TLL2: variants seen among roughly 807,000 people sequenced by gnomAD.
The protein encoded by TLL2 is tolloid like 2.
TLL2 carries 106 observed loss-of-function variants against 123.0 expected under a neutral mutation model. The observed-to-expected ratio is 0.86, with a 90% CI of 0.74 to 1.01. The LOEUF (loss-of-function observed/expected upper bound fraction) is 1.01, where lower values mean the gene tolerates loss of function less well. Ranked by LOEUF, TLL2 falls within the 50% of genes least tolerant of loss-of-function variation. The pLI is 0.00. For missense variants in TLL2, 1,332 were observed against 1,336.7 expected, an observed-to-expected ratio of 1.00 and a Z score of 0.06; for synonymous variants, 494 against 516.8, an observed-to-expected ratio of 0.96 and a Z score of 0.60.
chr10:96,465,640 C>A (rs1847122326), intron 2 of TLL2, among the ~76,000 whole-genome samples: 1 of 152,222 alleles, frequency 6.6e-6, no homozygotes, highest in Non-Finnish European at 1.5e-5. Flanking sequence ...ACAGCCTTGA[C>A]CAATGTCAGG....
chr10:96,490,784 C>T (rs2134109163), intron 1 of TLL2, among the ~76,000 whole-genome samples: 1 of 152,272 alleles, frequency 6.6e-6, no homozygotes, highest in African/African-American at 2.4e-5. Context: ...AAGGTGTAAT[C>T]CATAGACCAG....
intron 3 of TLL2, among the ~76,000 whole-genome samples, chr10:96,436,847 G>A (rs547999751): frequency 6.6e-5 from 10 of 151,784 alleles, no homozygotes; most frequent in East Asian, 3.9e-4. Flanking sequence ...CACCACCCCC[G>A]GCTAATTTTT....
chr10:96,376,155 G>A (rs1186818134), intron 18 of TLL2, among the ~76,000 whole-genome samples: 3 of 152,204 alleles, frequency 2.0e-5, no homozygotes, highest in Non-Finnish European at 4.4e-5. Flanking sequence ...GAAAAAATAC[G>A]AATGGGATTT....
At chr10:96,385,293 T>C (rs943292616) in intron 15 of TLL2, among the ~76,000 whole-genome samples, 3 of 152,240 alleles carry the variant, frequency 2.0e-5, no homozygotes, top group Non-Finnish European at 4.4e-5. Context: ...TGTTCCTTGC[T>C]GTAGCAATGA....
At chr10:96,428,306 C>T (rs888472418) in intron 5 of TLL2, among the ~76,000 whole-genome samples, 1 of 152,230 alleles carries the variant, frequency 6.6e-6, no homozygotes, top group Admixed American at 6.5e-5. Context: ...GAAAGCCCAC[C>T]GCTTCATCAG....
At chr10:96,425,393 A>G (rs1332047650) in intron 5 of TLL2, among the ~76,000 whole-genome samples, 1 of 151,948 alleles carries the variant, frequency 6.6e-6, no homozygotes, top group African/African-American at 2.4e-5. Context: ...ATATATCTAT[A>G]AATGTTGGTG....
rs543572785 is a variant in TLL2 at position 96,392,915 on chromosome 10, C to G, written c.1726+2272G>C. On this transcript the variant is annotated intron_variant, in intron 13 of 20. Coordinates refer to ENST00000357947, the MANE Select transcript of TLL2 (RefSeq NM_012465.4). ...GGTGGGCTCAATGTCAACACCAGGT[C>G]CGTGTAAGGCAAAGAGGTGGAAGGA... Among the ~76,000 whole-genome samples the G allele has an allele frequency of 1.3e-5, 2 of 152,106 alleles. 1 individual carries two copies. The highest frequency in any genetic ancestry group is 1.3e-4 in the Admixed American group (2 of 15,262).
intron 1 of TLL2, among the ~76,000 whole-genome samples, chr10:96,483,668 T>C (rs886207567): frequency 3.7e-4 from 57 of 152,158 alleles, no homozygotes; most frequent in Non-Finnish European, 6.0e-4. Flanking sequence ...GGACAGGACT[T>C]TGGGGAAAGG....
rs1204117755 is a variant in TLL2 at position 96,480,380 on chromosome 10, C to A, written c.255G>T (p.Lys85Asn). 2 of 1,614,198 alleles carry A rather than the reference C, an allele frequency of 1.2e-6. No homozygotes were observed. The highest frequency in any genetic ancestry group is 1.1e-5 in the South Asian group (1 of 91,092). Residue 85 changes from lysine to asparagine, a missense_variant, in exon 2 of 21, where the codon AAG becomes AAT. Coordinates refer to ENST00000357947, the MANE Select transcript of TLL2 (RefSeq NM_012465.4). ...TGTGTCCTGTTGCCCCCACTGTCTGCTTGGTCCAGTCTCTGGCTTTGTCAA... is the reference window on the plus strand; with the variant it reads ...TGTGTCCTGTTGCCCCCACTGTCTGATTGGTCCAGTCTCTGGCTTTGTCAA... Reference protein sequence around the residue: ...FHIDKARDWTKQTVGATGHST... With the variant: ...FHIDKARDWTNQTVGATGHST...
At chr10:96,427,377 T>C (rs1206578165) in intron 5 of TLL2, among the ~76,000 whole-genome samples, 1 of 152,218 alleles carries the variant, frequency 6.6e-6, no homozygotes, top group Admixed American at 6.5e-5. Flanking sequence ...AATCTCTACT[T>C]ATTTTTTGGT....
At chr10:96,463,656 G>C (rs1009837975) in intron 2 of TLL2, among the ~76,000 whole-genome samples, 7 of 152,198 alleles carry the variant, frequency 4.6e-5, no homozygotes, top group African/African-American at 1.7e-4. Flanking sequence ...ATCCTCAGTG[G>C]CTGTGACAAG....
intron 5 of TLL2, among the ~76,000 whole-genome samples, chr10:96,424,762 T>C (rs1341315835): frequency 1.5e-5 from 2 of 134,540 alleles, no homozygotes; most frequent in African/African-American, 2.7e-5. Context: ...ACTTTGTTTT[T>C]ATGTATTGTT....
intron 13 of TLL2, among the ~76,000 whole-genome samples, chr10:96,388,812 GTT>G (rs1298675156): frequency 4.6e-5 from 7 of 152,142 alleles, no homozygotes; most frequent in Non-Finnish European, 8.8e-5. Context: ...GTAAAGGAGG[GTT>G]TGTAAATATC....
intron 2 of TLL2, among the ~76,000 whole-genome samples, chr10:96,477,752 G>A (rs1847273600): frequency 1.3e-5 from 2 of 152,220 alleles, no homozygotes; most frequent in Admixed American, 1.3e-4. Flanking sequence ...AGTCCAGGCA[G>A]TCTGACCCAA....
At chr10:96,415,716 G>GCTCTCT (rs1172742136) in intron 7 of TLL2, among the ~76,000 whole-genome samples, 1 of 5,164 alleles carries the variant, frequency 1.9e-4, no homozygotes, top group Non-Finnish European at 4.1e-4. Flanking sequence ...AGCTGTGCAT[G>GCTCTCT]CTCTCTCTCT....
At chr10:96,509,199 C>G (rs1027215913) in intron 1 of TLL2, among the ~76,000 whole-genome samples, 2 of 152,214 alleles carry the variant, frequency 1.3e-5, no homozygotes, top group African/African-American at 4.8e-5. Context: ...GTCACCCCAG[C>G]CTGTAAGTCT....
chr10:96,429,900 G>A (rs766425089), intron 4 of TLL2, among the ~76,000 whole-genome samples: 9 of 152,096 alleles, frequency 5.9e-5, no homozygotes, highest in Admixed American at 1.3e-4. Flanking sequence ...TGACAGTTAC[G>A]TATAGTCAGT....
At chr10:96,432,740 A>G in intron 4 of TLL2, 67 bp downstream of exon 4, 1 of 1,566,706 alleles carries the variant, frequency 6.4e-7, no homozygotes, top group Non-Finnish European at 8.7e-7. Flanking sequence ...CCTTCCTAGA[A>G]GGACTCTCTC....
At chr10:96,494,620 G>T (rs1039823725) in intron 1 of TLL2, among the ~76,000 whole-genome samples, 1 of 152,198 alleles carries the variant, frequency 6.6e-6, no homozygotes, top group Non-Finnish European at 1.5e-5. Flanking sequence ...CCTACCCGTG[G>T]ACCTAATCAC....
Sources: gnomAD v4.1 joint callset for allele counts (sites outside exome capture counted in the v4.1 genomes callset) on GRCh38, gnomAD v4.1.1 for gene constraint, MANE v1.5 for transcripts, NCBI Gene and HGNC (gene_info 2026-07-23, HGNC 2026-07-21) for gene names.